Variants in B3GALT1 observed in about 807,000 individuals in gnomAD.
The protein encoded by B3GALT1 is UDP-Gal:betaGlcNAc beta 1,3-galactosyltransferase, polypeptide 1.
A neutral mutation model predicts 23.2 loss-of-function variants in B3GALT1; 10 were observed. That is an observed-to-expected ratio of 0.43 (90% CI 0.27 to 0.73). The LOEUF (loss-of-function observed/expected upper bound fraction) is 0.73. Among genes scored for constraint, B3GALT1 ranks in the 30% least tolerant of loss-of-function variants. The pLI is 0.21. For missense variants in B3GALT1, 299 were observed against 405.4 expected (o/e 0.74, Z 2.25); for synonymous variants, 156 against 141.5 (o/e 1.10, Z -0.73).
At chr2:167,623,799 A>G (rs1685299383) in intron 2 of B3GALT1, among the ~76,000 whole-genome samples, 2 of 152,096 alleles carry the variant, frequency 1.3e-5, no homozygotes, top group Non-Finnish European at 2.9e-5. Flanking sequence ...AATTGAACAT[A>G]AATTCAATTG....
chr2:167,298,906 G>A (rs1696401507), intron 1 of B3GALT1, among the ~76,000 whole-genome samples: 1 of 151,966 alleles, frequency 6.6e-6, no homozygotes, highest in African/African-American at 2.4e-5. Flanking sequence ...ACTAGGTAGA[G>A]AGGGATAACT....
At chr2:167,295,264 AT>A (rs1276722955) in intron 1 of B3GALT1, among the ~76,000 whole-genome samples, 45 of 152,164 alleles carry the variant, frequency 3.0e-4, no homozygotes, top group African/African-American at 1.0e-3. Flanking sequence ...CTTAGCATTC[AT>A]CATGTCTGGC....
intron 3 of B3GALT1, among the ~76,000 whole-genome samples, chr2:167,709,688 A>G (rs1346462661): frequency 6.6e-6 from 1 of 152,008 alleles, no homozygotes; most frequent in African/African-American, 2.4e-5. Context: ...TGTTGTGATA[A>G]GTGATTTTCA....
intron 3 of B3GALT1, among the ~76,000 whole-genome samples, chr2:167,691,701 A>G (rs1174214126): frequency 2.0e-5 from 3 of 152,172 alleles, no homozygotes; most frequent in African/African-American, 4.8e-5. Context: ...GTATTTGAGA[A>G]TATTCAGTTC....
intron 3 of B3GALT1, among the ~76,000 whole-genome samples, chr2:167,716,604 A>C (rs538348923): frequency 2.0e-5 from 3 of 152,236 alleles, no homozygotes; most frequent in South Asian, 4.1e-4. Context: ...CAAGAAACAT[A>C]TAAGAAAGGG....
At chr2:167,612,406 G>T (rs1046169840) in intron 2 of B3GALT1, among the ~76,000 whole-genome samples, 1 of 135,796 alleles carries the variant, frequency 7.4e-6, no homozygotes, top group Non-Finnish European at 1.5e-5. Context: ...TTTGTAGCAT[G>T]CTTCCTACTA....
chr2:167,760,752 CTTCG>C (rs559778732), intron 3 of B3GALT1, among the ~76,000 whole-genome samples: 44 of 152,282 alleles, frequency 2.9e-4, no homozygotes, highest in African/African-American at 1.0e-3. Context: ...ACTTTGGCTT[CTTCG>C]TTAGTTTCTC....
intron 1 of B3GALT1, among the ~76,000 whole-genome samples, chr2:167,441,413 C>G (rs1273420630): frequency 6.6e-6 from 1 of 152,148 alleles, no homozygotes; most frequent in Admixed American, 6.5e-5. Flanking sequence ...CAGCCTTTCT[C>G]CCAGTCTCTG....
intron 4 of B3GALT1, among the ~76,000 whole-genome samples, chr2:167,858,358 A>C (rs957974021): frequency 6.6e-6 from 1 of 151,884 alleles, no homozygotes; most frequent in Non-Finnish European, 1.5e-5. Context: ...AAAAAAAAAA[A>C]AAAAAACTGC....
intron 3 of B3GALT1, among the ~76,000 whole-genome samples, chr2:167,669,407 TG>T (rs1331779889): frequency 2.6e-5 from 4 of 152,234 alleles, no homozygotes; most frequent in Admixed American, 2.6e-4. Context: ...GAATATGGTC[TG>T]GTTTTTTTCT....
chr2:167,512,637 C>CGTATATATATATATAT lies in B3GALT1; in HGVS notation c.-410+22360_-410+22361insGTATATATATATATAT, dbSNP rs1370092531. ...ATATATATACGTGTATATATATATA[C>CGTATATATATATATAT]ATATATATATATATTTTGAGATAGG... On this transcript the variant is annotated intron_variant, in intron 2 of 4. Transcript: ENST00000392690. 2.7e-3 allele frequency among the ~76,000 whole-genome samples: 177 copies of CGTATATATATATATAT among 64,938 alleles called. 4 individuals carry two copies. The highest frequency in any genetic ancestry group is 0.014 in the African/African-American group (173 of 12,814). The allele number at this position is 64,938 out of a possible 152,430, so 42.6% of individuals were successfully genotyped here.
At chr2:167,345,387 A>G (rs1228626488) in intron 1 of B3GALT1, among the ~76,000 whole-genome samples, 1 of 152,130 alleles carries the variant, frequency 6.6e-6, no homozygotes, top group Non-Finnish European at 1.5e-5. Flanking sequence ...AAAAAAGATA[A>G]CTGAAGTCTT....
At chr2:167,849,857 T>C (rs1574300599) in intron 4 of B3GALT1, among the ~76,000 whole-genome samples, 1 of 134,356 alleles carries the variant, frequency 7.4e-6, no homozygotes, top group Admixed American at 8.3e-5. Flanking sequence ...GCCACTGCAC[T>C]CCAGCCCCGG....
At position 167,856,958 on chromosome 2, in the gene B3GALT1, G is replaced by A. The variant is rs376014043; in HGVS notation, c.-229-11853G>A. 6.6e-5 allele frequency among the ~76,000 whole-genome samples: 10 copies of A among 152,250 alleles called. No individual in the cohort carries two copies. In the South Asian group the frequency reaches 1.0e-3, roughly 16 times the overall value. On this transcript the variant is annotated intron_variant, in intron 4 of 4. Coordinates refer to ENST00000392690, the MANE Select transcript of B3GALT1 (RefSeq NM_020981.4). ...AATATAAAAGAGTCCTTTGTTAAGGGGGCTGAGAAAGCATGTACTAGTGAC... is the reference window on the plus strand; with the variant it reads ...AATATAAAAGAGTCCTTTGTTAAGGAGGCTGAGAAAGCATGTACTAGTGAC...
intron 2 of B3GALT1, among the ~76,000 whole-genome samples, chr2:167,568,912 T>C (rs950173136): frequency 6.6e-6 from 1 of 151,970 alleles, no homozygotes; most frequent in African/African-American, 2.4e-5. Flanking sequence ...TACCATAAGG[T>C]ATGTGTTTAG....
At chr2:167,313,303 C>T (rs1329427248) in intron 1 of B3GALT1, among the ~76,000 whole-genome samples, 2 of 152,108 alleles carry the variant, frequency 1.3e-5, no homozygotes, top group Non-Finnish European at 2.9e-5. Context: ...TTGAGATCCA[C>T]ATCCCAATCC....
chr2:167,390,601 T>C (rs148550154), intron 1 of B3GALT1, among the ~76,000 whole-genome samples: 429 of 152,310 alleles, frequency 2.8e-3, no homozygotes, highest in African/African-American at 9.7e-3. Context: ...TCTCTCCCTA[T>C]CTTAGCCCTC....
At chr2:167,859,642 G>A (rs986818102) in intron 4 of B3GALT1, among the ~76,000 whole-genome samples, 8 of 152,086 alleles carry the variant, frequency 5.3e-5, no homozygotes, top group Non-Finnish European at 1.0e-4. Flanking sequence ...TCCAGATTTG[G>A]GAGGGAAATG....
intron 3 of B3GALT1, among the ~76,000 whole-genome samples, chr2:167,668,241 G>A (rs1037193621): frequency 6.6e-6 from 1 of 152,016 alleles, no homozygotes; most frequent in Non-Finnish European, 1.5e-5. Flanking sequence ...CTGCTGGAGG[G>A]TGCCTCCCAG....
Sources: allele counts gnomAD v4.1 joint callset (sites outside exome capture counted in the v4.1 genomes callset), GRCh38; gene constraint gnomAD v4.1.1; transcripts MANE v1.5; gene names NCBI Gene and HGNC (gene_info 2026-07-23, HGNC 2026-07-21).